The following SLC4A8 variants were observed in gnomAD, a reference collection of about 807,000 sequenced individuals.
SLC4A8 encodes electroneutral sodium bicarbonate exchanger 1.
Under a neutral mutation model 125.0 loss-of-function variants are expected in SLC4A8, and 40 were observed. The observed-to-expected ratio is 0.32, with a 90% CI of 0.25 to 0.42. The LOEUF is 0.42. Ranked by LOEUF, SLC4A8 falls within the 10% of genes least tolerant of loss-of-function variation. SLC4A8 has a pLI of 1.00. For missense variants in SLC4A8, 863 were observed against 1,355.1 expected (o/e 0.64, Z 5.70); for synonymous variants, 456 against 476.0 (o/e 0.96, Z 0.55).
chr12:51,452,962 G>GTAT (rs1950014014), intron 4 of SLC4A8, among the ~76,000 whole-genome samples: 1 of 152,178 alleles, frequency 6.6e-6, no homozygotes, highest in Admixed American at 6.5e-5. Context: ...AGCTCTTGCT[G>GTAT]GGTGCCTGCT....
Position 51,450,854 on chromosome 12 carries a change from C to T in SLC4A8, c.131-22C>T, listed in dbSNP as rs752715688. 7 of 1,612,858 alleles carry T rather than the reference C, an allele frequency of 4.3e-6. No homozygotes were observed. In the African/African-American group the frequency reaches 6.7e-5, roughly 15 times the overall value. On this transcript the variant is annotated intron_variant, in intron 2 of 24. Transcript: ENST00000453097. Reference sequence around the variant, plus strand: ...TTTAAAACTAAAGGAGTTCTCTCCACAGACCTTCTGCTTCTTTCCAGGTCA... The same window carrying T: ...TTTAAAACTAAAGGAGTTCTCTCCATAGACCTTCTGCTTCTTTCCAGGTCA...
At chr12:51,467,818 G>A (rs773353291) in intron 11 of SLC4A8, among the ~76,000 whole-genome samples, 8 of 151,476 alleles carry the variant, frequency 5.3e-5, no homozygotes, top group African/African-American at 1.7e-4. Context: ...CCAAATCACC[G>A]ACATACATTT....
intron 1 of SLC4A8, among the ~76,000 whole-genome samples, chr12:51,438,049 G>A (rs1451324619): frequency 6.6e-6 from 1 of 152,082 alleles, no homozygotes; most frequent in African/African-American, 2.4e-5. Context: ...ATTCATTGGG[G>A]TGCATGGTGA....
At position 51,456,632 on chromosome 12, in the gene SLC4A8, T is replaced by TTA. The variant is rs552510863; in HGVS notation, c.575-714_575-713dup. ...GATGAAGAACTGAGGTATAGAGAGA[T>TTA]TATATACCTTGCTCAAGATCACACA... On this transcript the variant is annotated intron_variant, in intron 5 of 24. Coordinates refer to ENST00000453097, the MANE Select transcript of SLC4A8 (RefSeq NM_001039960.3). Among the ~76,000 whole-genome samples, 3 of 152,262 alleles carry TTA rather than the reference T, an allele frequency of 2.0e-5. No individual in the cohort carries two copies. The East Asian group carries it at 5.8e-4, about 29-fold the overall frequency.
rs370653983 is a variant in SLC4A8 at position 51,480,314 on chromosome 12, A to G, written c.2172+5108A>G. Reference sequence around the variant, plus strand: ...TCTTTCTTGCTTAAAATGTATTTATATGTATGTCTTATTATATACAAGGCA... The same window carrying G: ...TCTTTCTTGCTTAAAATGTATTTATGTGTATGTCTTATTATATACAAGGCA... On this transcript the variant is annotated intron_variant, in intron 16 of 24. Transcript: ENST00000453097. 1.1e-4 allele frequency: 135 copies of G among 1,219,258 alleles called. 2 individuals carry two copies. The East Asian group carries it at 7.4e-3, about 67-fold the overall frequency. 75.5% of individuals were successfully genotyped at this position (1,219,258 alleles called of 1,614,324 possible). A position where few individuals can be genotyped will look rare whatever the true frequency, so the allele number is the denominator to read the frequency against.
chr12:51,464,053 T>C (rs1950436882), intron 11 of SLC4A8, among the ~76,000 whole-genome samples: 1 of 152,264 alleles, frequency 6.6e-6, no homozygotes, highest in African/African-American at 2.4e-5. Flanking sequence ...TGGAAAGCCT[T>C]CTAGGACTCT....
At chr12:51,486,728 T>C (rs1203732875) in intron 17 of SLC4A8, among the ~76,000 whole-genome samples, 1 of 152,192 alleles carries the variant, frequency 6.6e-6, no homozygotes, top group Non-Finnish European at 1.5e-5. Context: ...ATAAAGGCAG[T>C]CCCTGACTTG....
chr12:51,487,598 A>G (rs78219891), intron 17 of SLC4A8, among the ~76,000 whole-genome samples: 2,157 of 152,330 alleles, frequency 0.014, 54 homozygotes, highest in African/African-American at 0.049. Context: ...AAAAAGGGCG[A>G]ACTTGTCTTC....
At chr12:51,485,384 A>G (rs1450302410) in intron 16 of SLC4A8, among the ~76,000 whole-genome samples, 1 of 152,174 alleles carries the variant, frequency 6.6e-6, no homozygotes, top group Admixed American at 6.5e-5. Flanking sequence ...GGGAGAGCCA[A>G]TAGGACTTGC....
At chr12:51,479,530 T>TA (rs143501711) in intron 16 of SLC4A8, among the ~76,000 whole-genome samples, 2,044 of 151,966 alleles carry the variant, frequency 0.013, 46 homozygotes, top group African/African-American at 0.047. Context: ...CTACTAAAAA[T>TA]ACAAAAATTA....
chr12:51,409,243 A>C (rs535737154), intron 1 of SLC4A8, among the ~76,000 whole-genome samples: 46 of 152,266 alleles, frequency 3.0e-4, no homozygotes, highest in Non-Finnish European at 5.6e-4. Context: ...TATTCAATCT[A>C]TTCAAGAGTC....
intron 5 of SLC4A8, among the ~76,000 whole-genome samples, chr12:51,456,955 A>G (rs1950168905): frequency 6.6e-6 from 1 of 152,198 alleles, no homozygotes; most frequent in Admixed American, 6.5e-5. Context: ...ATGTAGGGGA[A>G]ATTTGGCAGA....
rs113538549 is a variant in SLC4A8 at position 51,470,842 on chromosome 12, A to G, written c.1658+317A>G. On this transcript the variant is annotated intron_variant, in intron 13 of 24. Transcript: ENST00000453097. ...TGTGAGTCAATTTTTAATTTGGCCTAATATCCTCCCCCTGCTGTTTTTTTT... is the reference window on the plus strand; with the variant it reads ...TGTGAGTCAATTTTTAATTTGGCCTGATATCCTCCCCCTGCTGTTTTTTTT... 7.6e-4 allele frequency among the ~76,000 whole-genome samples: 115 copies of G among 151,508 alleles called. 1 individual carries two copies. The highest frequency in any genetic ancestry group is 3.4e-3 in the Middle Eastern group (1 of 294).
rs1938412732 is a variant in SLC4A8, at chr12:51,512,816, A to G, written c.*5378A>G. On this transcript the variant is annotated 3_prime_UTR_variant, in exon 25 of 25. Transcript: ENST00000453097. The stretch of plus-strand genomic sequence containing the variant: ...GGTTCCCATCTCAGACTTCTCTGAT[A>G]AGAGTAATTTGAGAACAAATACAGA... The G allele has an allele frequency of 6.6e-6, 1 of 152,246 alleles. No individual in the cohort carries two copies. The highest frequency in any genetic ancestry group is 1.5e-5 in the Non-Finnish European group (1 of 68,046). 9.4% of individuals were successfully genotyped at this position (152,246 alleles called of 1,614,324 possible).
chr12:51,436,367 T>G (rs1949412642), intron 1 of SLC4A8, among the ~76,000 whole-genome samples: 2 of 152,222 alleles, frequency 1.3e-5, no homozygotes, highest in Non-Finnish European at 1.5e-5. Context: ...TATGTTTTAA[T>G]GTTACTTAGA....
At position 51,495,057 on chromosome 12, in the gene SLC4A8, C is replaced by G; in HGVS notation, c.2882C>G (p.Thr961Ser). Residue 961 changes from threonine to serine, a missense_variant, in exon 21 of 25, where the codon ACC becomes AGC. Around this residue, in one of 6 missense-constraint regions of SLC4A8, gnomAD observed 197 missense variants for 377.7 expected, o/e 0.52. Transcript: ENST00000453097. ...KVHLFTLIQL[T>S]CLVLLWVIKA... ...CACCTCTTCACCCTCATCCAGTTGA[C>G]CTGTCTCGTCCTGCTCTGGGTCATC... 6.2e-7 allele frequency: 1 copy of G among 1,614,184 alleles called. No homozygotes were observed. The highest frequency in any genetic ancestry group is 8.5e-7 in the Non-Finnish European group (1 of 1,179,974).
In SLC4A8 at chr12:51,508,857, G is replaced by A. The variant is rs1004200401; in HGVS notation, c.*1419G>A. The stretch of plus-strand genomic sequence containing the variant: ...ATCTTTGTACAGTGGGAAGTTCCCC[G>A]ATGTGTTTTTCTTTCTTAGGTGAAG... On this transcript the variant is annotated 3_prime_UTR_variant, in exon 25 of 25. Coordinates refer to ENST00000453097, the MANE Select transcript of SLC4A8 (RefSeq NM_001039960.3). 2.0e-5 allele frequency: 3 copies of A among 152,088 alleles called. No homozygotes were observed. Among genetic ancestry groups the A allele is most frequent in the African/African-American group, 4.8e-5 (2 of 41,404 alleles). 9.4% of individuals were successfully genotyped at this position (152,088 alleles called of 1,614,324 possible).
At chr12:51,474,485 C>G (rs745866855) in intron 15 of SLC4A8, 38 bp downstream of exon 15, 5 of 1,599,816 alleles carry the variant, frequency 3.1e-6, no homozygotes, top group Non-Finnish European at 4.3e-6. Context: ...AGCATTGTGA[C>G]CACAGGTTTA....
chr12:51,398,638 C>T (rs1948313226), intron 1 of SLC4A8, among the ~76,000 whole-genome samples: 1 of 152,194 alleles, frequency 6.6e-6, no homozygotes, highest in Non-Finnish European at 1.5e-5. Context: ...AGTTGTTTTG[C>T]CCAAAGAGAG....
Sources: allele counts gnomAD v4.1 joint callset (sites outside exome capture counted in the v4.1 genomes callset), GRCh38; gene constraint gnomAD v4.1.1; regional missense constraint gnomAD v4.1.1; transcripts MANE v1.5; gene names NCBI Gene and HGNC (gene_info 2026-07-23, HGNC 2026-07-21).